MYO1E: variants seen among roughly 807,000 people sequenced by gnomAD.
The protein encoded by MYO1E is myosin IE, also known as unconventional myosin-Ie.
A neutral mutation model predicts 151.1 loss-of-function variants in MYO1E; 68 were observed. That is an observed-to-expected ratio of 0.45 (90% CI 0.37 to 0.55). MYO1E has a LOEUF of 0.55. Ranked by LOEUF, MYO1E falls within the 20% of genes least tolerant of loss-of-function variation. The pLI is 0.00. For synonymous variants in MYO1E, 601 were observed against 501.7 expected (o/e 1.20, Z -2.64); for missense variants, 1,363 against 1,389.3 (o/e 0.98, Z 0.30).
intron 2 of MYO1E, among the ~76,000 whole-genome samples, chr15:59,267,688 G>A (rs188571330): frequency 1.2e-4 from 18 of 152,342 alleles, no homozygotes; most frequent in Admixed American, 3.3e-4. Context: ...AAGTTGGACC[G>A]AATGAGCACA....
At chr15:59,341,016 C>CAAAA (rs35367694) in intron 1 of MYO1E, among the ~76,000 whole-genome samples, 2 of 86,280 alleles carry the variant, frequency 2.3e-5, no homozygotes, top group African/African-American at 4.5e-5. Context: ...GACTCCATCT[C>CAAAA]AAAAAAAAAA....
At chr15:59,222,833 A>C (rs1262085233) in intron 9 of MYO1E, among the ~76,000 whole-genome samples, 1 of 152,222 alleles carries the variant, frequency 6.6e-6, no homozygotes, top group East Asian at 1.9e-4. Context: ...GATTCCATTA[A>C]TAATCGATGG....
chr15:59,229,840 A>G (rs1427307765), intron 6 of MYO1E, among the ~76,000 whole-genome samples: 3 of 152,102 alleles, frequency 2.0e-5, no homozygotes, highest in Admixed American at 6.6e-5. Flanking sequence ...TGATTTACAT[A>G]CCTCTTAGTT....
chr15:59,219,088 T>C (rs1385505850), intron 9 of MYO1E, among the ~76,000 whole-genome samples: 1 of 152,044 alleles, frequency 6.6e-6, no homozygotes, highest in South Asian at 2.1e-4. Context: ...ATGAAGGGGA[T>C]GGTATTGTTC....
chr15:59,342,788 T>G (rs2080773233), intron 1 of MYO1E, among the ~76,000 whole-genome samples: 1 of 152,176 alleles, frequency 6.6e-6, no homozygotes, highest in Non-Finnish European at 1.5e-5. Flanking sequence ...TTGTATGTTT[T>G]TTAGATTTGA....
chr15:59,298,871 G>C (rs1282612940), intron 1 of MYO1E, among the ~76,000 whole-genome samples: 1 of 152,174 alleles, frequency 6.6e-6, no homozygotes, highest in African/African-American at 2.4e-5. Context: ...TTCCACAAGG[G>C]AATCTGCTGC....
At chr15:59,201,166 T>C (rs1339437109) in intron 16 of MYO1E, among the ~76,000 whole-genome samples, 2 of 151,446 alleles carry the variant, frequency 1.3e-5, no homozygotes, top group African/African-American at 2.4e-5. Context: ...GGAGCAATCA[T>C]GGCTCACTGC....
intron 1 of MYO1E, among the ~76,000 whole-genome samples, chr15:59,273,684 G>C (rs2080301625): frequency 9.1e-6 from 1 of 110,406 alleles, no homozygotes; most frequent in Non-Finnish European, 1.9e-5. Context: ...GAGGAGGAAG[G>C]ACATTCATTA....
intron 26 of MYO1E, among the ~76,000 whole-genome samples, chr15:59,144,769 C>T (rs1467496567): frequency 6.6e-6 from 1 of 152,196 alleles, no homozygotes; most frequent in Non-Finnish European, 1.5e-5. Flanking sequence ...CAGACTCCAA[C>T]AGCCTCGAAA....
At chr15:59,301,620 A>G (rs1400238109) in intron 1 of MYO1E, among the ~76,000 whole-genome samples, 3 of 152,172 alleles carry the variant, frequency 2.0e-5, no homozygotes, top group Non-Finnish European at 4.4e-5. Context: ...GTCAGTAACA[A>G]CCACTCTCCT....
chr15:59,195,559 G>A lies in MYO1E; in HGVS notation c.1707C>T (p.Ala569=), dbSNP rs1317709982. The A allele has an allele frequency of 6.2e-7, 1 of 1,613,292 alleles. No homozygotes were observed. The highest frequency in any genetic ancestry group is 1.3e-5 in the African/African-American group (1 of 74,898). ...TTAGSKIKKQ[A]NDLVSTLMKC... is the part of the protein sequence containing the mutation. ...TCATCAGGGTGCTCACAAGGTCATT[G>A]GCTTGTTTCTAGAAAGGAAGAACAG... The change falls in exon 17 of 28, where the codon GCC becomes GCT. Residue 569 remains alanine, a synonymous_variant. Coordinates refer to ENST00000288235, the MANE Select transcript of MYO1E (RefSeq NM_004998.4).
chr15:59,277,817 A>G (rs1007796477), intron 1 of MYO1E, among the ~76,000 whole-genome samples: 15 of 152,224 alleles, frequency 9.9e-5, no homozygotes, highest in African/African-American at 3.4e-4. Flanking sequence ...TCATTGAAAG[A>G]GTAGTCAATA....
rs2079848461 is a variant in MYO1E, at chr15:59,207,741, A to G, written c.1530+940T>C. On this transcript the variant is annotated intron_variant, in intron 14 of 27. Transcript: ENST00000288235. ...CTTTGAAGGATCTGAACTCTGATAT[A>G]GGAACTGATAAAGATCCTGAGCAAT... 2.5e-6 allele frequency: 4 copies of G among 1,614,228 alleles called. No individual in the cohort carries two copies. The East Asian group carries it at 8.9e-5, about 36-fold the overall frequency.
intron 1 of MYO1E, among the ~76,000 whole-genome samples, chr15:59,276,528 TAGATAG>T (rs2080320147): frequency 6.6e-6 from 1 of 152,146 alleles, no homozygotes; most frequent in Non-Finnish European, 1.5e-5. Flanking sequence ...AAATTTCCAT[TAGATAG>T]AGATTGAGTG....
intron 1 of MYO1E, among the ~76,000 whole-genome samples, chr15:59,314,265 T>G (rs2080571669): frequency 6.6e-6 from 1 of 152,246 alleles, no homozygotes; most frequent in South Asian, 2.1e-4. Flanking sequence ...ACTCTGTGCC[T>G]TAACTATTTC....
intron 1 of MYO1E, among the ~76,000 whole-genome samples, chr15:59,314,331 G>A (rs938539336): frequency 6.6e-6 from 1 of 152,248 alleles, no homozygotes; most frequent in Non-Finnish European, 1.5e-5. Context: ...CTTCTGGGAA[G>A]TGAAGATTGT....
intron 16 of MYO1E, among the ~76,000 whole-genome samples, chr15:59,196,848 A>AT (rs2079769211): frequency 6.6e-6 from 1 of 152,088 alleles, no homozygotes; most frequent in African/African-American, 2.4e-5. Context: ...AAATTTGATG[A>AT]TTTTTGCAAC....
At chr15:59,367,904 G>A (rs188735706) in intron 1 of MYO1E, among the ~76,000 whole-genome samples, 4 of 152,268 alleles carry the variant, frequency 2.6e-5, no homozygotes, top group Admixed American at 2.0e-4. Flanking sequence ...CAGATCACCT[G>A]AGGTCAGGAG....
At chr15:59,328,575 A>G (rs2080680388) in intron 1 of MYO1E, among the ~76,000 whole-genome samples, 1 of 152,148 alleles carries the variant, frequency 6.6e-6, no homozygotes, top group African/African-American at 2.4e-5. Flanking sequence ...AGTATTTTAT[A>G]ATGACCAGTT....
Sources: allele counts gnomAD v4.1 joint callset (sites outside exome capture counted in the v4.1 genomes callset), GRCh38; gene constraint gnomAD v4.1.1; transcripts MANE v1.5; gene names NCBI Gene and HGNC (gene_info 2026-07-23, HGNC 2026-07-21).